The following ADAMTS17 variants were observed in gnomAD, a reference collection of about 807,000 sequenced individuals.
The protein encoded by ADAMTS17 is A disintegrin and metalloproteinase with thrombospondin motifs 17.
Under a neutral mutation model 141.5 loss-of-function variants are expected in ADAMTS17, and 113 were observed. The observed-to-expected ratio is 0.80, with a 90% confidence interval of 0.69 to 0.93. The LOEUF is 0.93. Ranked by LOEUF, ADAMTS17 falls within the 40% of genes least tolerant of loss-of-function variation. The pLI, the probability that ADAMTS17 is intolerant of heterozygous loss-of-function variation, is 0.00. For missense variants in ADAMTS17, 1,659 were observed against 1,517.9 expected, an observed-to-expected ratio of 1.09 and a Z score of -1.54; for synonymous variants, 768 against 630.6, an observed-to-expected ratio of 1.22 and a Z score of -3.27.
chr15:100,004,664 A>G (rs904802728), intron 18 of ADAMTS17, among the ~76,000 whole-genome samples: 2 of 131,518 alleles, frequency 1.5e-5, no homozygotes, highest in African/African-American at 6.0e-5. Context: ...TCTGTTGCCC[A>G]GGCTGGAGTG....
At chr15:100,240,510 C>G (rs1436601565) in intron 7 of ADAMTS17, among the ~76,000 whole-genome samples, 1 of 152,194 alleles carries the variant, frequency 6.6e-6, no homozygotes, top group African/African-American at 2.4e-5. Flanking sequence ...GTGCTCCCCC[C>G]TCACTCCTCT....
intron 10 of ADAMTS17, 49 bp downstream of exon 10, chr15:100,152,563 G>A (rs2039221035): frequency 3.1e-6 from 5 of 1,608,792 alleles, no homozygotes; most frequent in African/African-American, 1.3e-5. Flanking sequence ...TGCTGTGGGA[G>A]GGCTGGATCC....
chr15:100,217,947 C>T (rs1222503082), intron 7 of ADAMTS17, among the ~76,000 whole-genome samples: 1 of 152,230 alleles, frequency 6.6e-6, no homozygotes, highest in Non-Finnish European at 1.5e-5. Context: ...GTGCTACAAT[C>T]AGTGCTCACT....
intron 3 of ADAMTS17, among the ~76,000 whole-genome samples, chr15:100,302,026 T>C (rs1348689487): frequency 6.6e-6 from 1 of 152,228 alleles, no homozygotes; most frequent in Non-Finnish European, 1.5e-5. Flanking sequence ...AACAGTTGCA[T>C]CACCTAAATA....
chr15:100,186,276 G>C lies in ADAMTS17; in HGVS notation c.1181+13042C>G, dbSNP rs568051706. Among the ~76,000 whole-genome samples the C allele has an allele frequency of 2.4e-4, 36 of 152,340 alleles. No homozygotes were observed. The East Asian group carries it at 6.9e-3, about 29-fold the overall frequency. ...TGGAAAGCTGTAAGGCACATGGCGA[G>C]TGCATGGACTTCAACATTGACAAAG... is the stretch of plus-strand genomic sequence containing the variant. On this transcript the variant is annotated intron_variant, in intron 8 of 21. Transcript: ENST00000268070.
intron 3 of ADAMTS17, among the ~76,000 whole-genome samples, chr15:100,323,890 CA>C (rs1346329773): frequency 1.3e-5 from 2 of 151,598 alleles, no homozygotes; most frequent in African/African-American, 4.8e-5. Context: ...TATAAAAGTA[CA>C]AAAAAACATG....
chr15:100,167,087 A>C (rs1304823028), intron 8 of ADAMTS17, among the ~76,000 whole-genome samples: 2 of 152,258 alleles, frequency 1.3e-5, no homozygotes, highest in Non-Finnish European at 1.5e-5. Context: ...AGTGTGACCG[A>C]GGAACTAATT....
chr15:100,098,510 G>A (rs1691792307), intron 14 of ADAMTS17, among the ~76,000 whole-genome samples: 1 of 152,060 alleles, frequency 6.6e-6, no homozygotes, highest in South Asian at 2.1e-4. Context: ...AGCTAGGCAT[G>A]GTGGCACGCA....
chr15:100,255,641 C>CACACACACACACACACACA (rs1432309161), intron 6 of ADAMTS17, among the ~76,000 whole-genome samples: 14 of 151,850 alleles, frequency 9.2e-5, no homozygotes, highest in Admixed American at 9.2e-4. Context: ...CACACACACA[C>CACACACACACACACACACA]AGCTGGCCCA....
At position 100,341,190 on chromosome 15, in the gene ADAMTS17, A is replaced by G. The variant is rs1404099728; in HGVS notation, c.299T>C (p.Leu100Pro). ...RDLYLQLRRD[L>P]RFLSRGFEVE... ...CTCGAAGCCTCGGGACAGGAAGCGC[A>G]GGTCGCGGCGCAGCTGAAGGTACAG... The change falls in exon 2 of 22, where the codon CTG becomes CCG. Residue 100 changes from leucine to proline, a missense_variant. By Grantham distance (98) the Leu-to-Pro change is moderately conservative (BLOSUM62 -3). Transcript: ENST00000268070. The G allele has an allele frequency of 6.8e-7, 1 of 1,462,036 alleles. No individual in the cohort carries two copies. The highest frequency in any genetic ancestry group is 2.3e-5 in the Admixed American group (1 of 43,122). The allele number at this position is 1,462,036 out of a possible 1,614,324, so 90.6% of individuals were successfully genotyped here.
At chr15:100,125,528 C>G (rs763523374) in intron 12 of ADAMTS17, among the ~76,000 whole-genome samples, 9 of 152,196 alleles carry the variant, frequency 5.9e-5, no homozygotes, top group Non-Finnish European at 1.2e-4. Context: ...GCACTCCACT[C>G]TCCTGCCCCT....
intron 4 of ADAMTS17, among the ~76,000 whole-genome samples, chr15:100,272,341 C>CTT (rs1350407211): frequency 9.9e-5 from 15 of 152,190 alleles, no homozygotes. Context: ...AACATGATGG[C>CTT]TTTCCATTTA....
At chr15:100,199,278 G>A (rs780399528) in intron 8 of ADAMTS17, 40 bp downstream of exon 8, 10 of 1,557,544 alleles carry the variant, frequency 6.4e-6, no homozygotes, top group East Asian at 2.2e-5. Flanking sequence ...ACTCAAAAAG[G>A]ACTGAAAGAA....
intron 8 of ADAMTS17, among the ~76,000 whole-genome samples, chr15:100,183,716 T>C (rs1034663267): frequency 2.0e-5 from 3 of 152,228 alleles, no homozygotes; most frequent in Non-Finnish European, 2.9e-5. Context: ...TTGGTTATTA[T>C]ATTAGGAGTC....
chr15:100,120,544 T>C (rs1168709799), intron 12 of ADAMTS17, among the ~76,000 whole-genome samples: 1 of 152,206 alleles, frequency 6.6e-6, no homozygotes, highest in Non-Finnish European at 1.5e-5. Flanking sequence ...TCCTTTTTTC[T>C]TTTAGGAGCC....
chr15:100,142,057 G>A (rs778828763), intron 10 of ADAMTS17, among the ~76,000 whole-genome samples: 21 of 152,338 alleles, frequency 1.4e-4, no homozygotes, highest in Non-Finnish European at 2.2e-4. Flanking sequence ...AATCTCCAGG[G>A]AAGCTGTACG....
intron 15 of ADAMTS17, among the ~76,000 whole-genome samples, chr15:100,079,591 CTG>C (rs1342349894): frequency 2.0e-5 from 3 of 152,128 alleles, no homozygotes; most frequent in Non-Finnish European, 4.4e-5. Flanking sequence ...TTGGGAATGA[CTG>C]TGGTGATATG....
At chr15:100,092,967 ATCATAC>A (rs2035558284) in intron 15 of ADAMTS17, among the ~76,000 whole-genome samples, 1 of 152,236 alleles carries the variant, frequency 6.6e-6, no homozygotes, top group Non-Finnish European at 1.5e-5. Flanking sequence ...AAATGAAAGC[ATCATAC>A]TCAAATTACT....
intron 8 of ADAMTS17, among the ~76,000 whole-genome samples, chr15:100,192,892 A>C (rs765680623): frequency 2.0e-4 from 30 of 150,792 alleles, no homozygotes; most frequent in Non-Finnish European, 3.1e-4. Context: ...ACTCCCCCAG[A>C]CATGTGTCCA....
Sources: allele counts gnomAD v4.1 joint callset (sites outside exome capture counted in the v4.1 genomes callset), GRCh38; gene constraint gnomAD v4.1.1; transcripts MANE v1.5; gene names NCBI Gene and HGNC (gene_info 2026-07-23, HGNC 2026-07-21).